Variants in COL4A1 observed in about 807,000 individuals in gnomAD.
COL4A1 encodes collagen alpha-1(IV) chain.
In COL4A1, 40 loss-of-function variants were observed where a neutral mutation model predicts 216.6. The ratio of observed to expected loss-of-function variants is 0.18; its 90% confidence interval spans 0.14 to 0.24. The LOEUF (loss-of-function observed/expected upper bound fraction) is 0.24. Among genes scored for constraint, COL4A1 ranks in the 10% least tolerant of loss-of-function variants. COL4A1 has a pLI of 1.00. For synonymous variants in COL4A1, 839 were observed against 810.7 expected (o/e 1.03, Z -0.59); for missense variants, 1,628 against 2,196.8 (o/e 0.74, Z 5.18).
chr13:110,187,343 G>A lies in COL4A1; in HGVS notation c.1537-14C>T, dbSNP rs750007367. 1.9e-6 allele frequency: 3 copies of A among 1,611,860 alleles called. No homozygotes were observed. The East Asian group carries it at 6.7e-5, about 36-fold the overall frequency. ...ACCTTGAGGGCCCTGTAAGAACAAA[G>A]CCTTGTGATCCACAGAAGAACCCAT... On this transcript the variant is annotated splice_polypyrimidine_tract_variant and intron_variant, in intron 24 of 51. Coordinates refer to ENST00000375820, the MANE Select transcript of COL4A1 (RefSeq NM_001845.6).
chr13:110,298,499 T>C (rs1884363680), intron 1 of COL4A1: 1 of 152,196 alleles, frequency 6.6e-6, no homozygotes, highest in South Asian at 2.1e-4. Flanking sequence ...ATTCCGTGGA[T>C]GGTATTTTCC....
At chr13:110,208,456 C>T (rs889765042) in intron 12 of COL4A1, among the ~76,000 whole-genome samples, 2 of 152,186 alleles carry the variant, frequency 1.3e-5, no homozygotes, top group African/African-American at 4.8e-5. Flanking sequence ...CACCGTGCTA[C>T]TCCCAATTTC....
At chr13:110,189,874 G>A (rs996129175) in intron 24 of COL4A1, among the ~76,000 whole-genome samples, 1 of 147,470 alleles carries the variant, frequency 6.8e-6, no homozygotes, top group Non-Finnish European at 1.5e-5. Context: ...CTGAGGGTAG[G>A]ACCAAGGTTT....
intron 2 of COL4A1, among the ~76,000 whole-genome samples, chr13:110,216,799 G>A (rs1880107311): frequency 2.6e-5 from 4 of 152,130 alleles, no homozygotes; most frequent in Admixed American, 2.6e-4. Flanking sequence ...CCAAGGTACC[G>A]ACCCTTCTAT....
At chr13:110,227,734 C>T (rs1458904815) in intron 2 of COL4A1, among the ~76,000 whole-genome samples, 1 of 152,214 alleles carries the variant, frequency 6.6e-6, no homozygotes, top group Non-Finnish European at 1.5e-5. Flanking sequence ...ACCCTTGGTT[C>T]TCCACAGGGA....
chr13:110,252,503 A>AT lies in COL4A1; in HGVS notation c.85-9770dup, dbSNP rs1566415797. On this transcript the variant is annotated intron_variant, in intron 1 of 51. Coordinates refer to ENST00000375820, the MANE Select transcript of COL4A1 (RefSeq NM_001845.6). Reference sequence around the variant, plus strand: ...TATATATACGTATAATTATACGTATATATGTATTATATATACGTATAATTA... The same window carrying AT: ...TATATATACGTATAATTATACGTATATTATGTATTATATATACGTATAATTA... Among the ~76,000 whole-genome samples, 175 of 5,060 alleles carry AT rather than the reference A, an allele frequency of 0.035. 16 individuals carry two copies. In the South Asian group the frequency reaches 0.38, roughly 11 times the overall value. 3.3% of individuals were successfully genotyped at this position (5,060 alleles called of 152,430 possible). A position where few individuals can be genotyped will look rare whatever the true frequency, so the allele number is the denominator to read the frequency against.
At chr13:110,162,078 C>T in intron 48 of COL4A1, 152 bp downstream of exon 48, 8 of 773,380 alleles carry the variant, frequency 1.0e-5, no homozygotes, top group South Asian at 2.8e-5. Flanking sequence ...GAAATGGGGC[C>T]GGGCTGCTTT....
intron 1 of COL4A1, among the ~76,000 whole-genome samples, chr13:110,254,151 A>G (rs943192407): frequency 3.9e-5 from 6 of 152,136 alleles, no homozygotes; most frequent in African/African-American, 1.4e-4. Flanking sequence ...CTTAGCTCCT[A>G]ACAGAGGATC....
At position 110,174,643 on chromosome 13, in the gene COL4A1, G is replaced by C; in HGVS notation, c.3305C>G (p.Pro1102Arg). The C allele has an allele frequency of 6.2e-7, 1 of 1,614,070 alleles. No individual in the cohort carries two copies. Among genetic ancestry groups the C allele is most frequent in the Admixed American group, 1.7e-5 (1 of 60,014 alleles). ...CCTACCTGGATAGCCAACACTCCCG[G>C]GAGACCCTTTAAGGCCTGGGGACCC... ...MPGSPGLKGS[P>R]GSVGYPGSPG... is the part of the protein sequence containing the mutation. The change falls in exon 38 of 52, where the codon CCC becomes CGC. Residue 1102 changes from proline (P) to arginine (R), a missense_variant. Transcript: ENST00000375820.
intron 1 of COL4A1, among the ~76,000 whole-genome samples, chr13:110,288,759 C>A (rs760433850): frequency 7.9e-5 from 12 of 152,146 alleles, no homozygotes; most frequent in Admixed American, 7.9e-4. Context: ...TCAGGCCAGG[C>A]GCGGTGGCTC....
intron 1 of COL4A1, among the ~76,000 whole-genome samples, chr13:110,244,796 T>G (rs761221248): frequency 1.3e-5 from 2 of 152,186 alleles, no homozygotes; most frequent in African/African-American, 2.4e-5. Flanking sequence ...GAGCCTGATG[T>G]GAGCTGTACT....
At chr13:110,238,552 C>G (rs542889468) in intron 2 of COL4A1, among the ~76,000 whole-genome samples, 11 of 152,298 alleles carry the variant, frequency 7.2e-5, no homozygotes, top group African/African-American at 2.6e-4. Flanking sequence ...TGCTCCAGGT[C>G]CCAGGGATCA....
intron 49 of COL4A1, among the ~76,000 whole-genome samples, chr13:110,158,925 T>C (rs1441761567): frequency 6.6e-6 from 1 of 152,094 alleles, no homozygotes; most frequent in Non-Finnish European, 1.5e-5. Flanking sequence ...GTATTTTTAG[T>C]AGAGATGGGA....
rs1180491671 is a variant in COL4A1, at chr13:110,152,444, C to T, written c.4818G>A (p.Glu1606=). The T allele has an allele frequency of 2.5e-6, 4 of 1,614,058 alleles. No homozygotes were observed. Among genetic ancestry groups the T allele is most frequent in the Admixed American group, 3.3e-5 (2 of 60,002 alleles). The stretch of plus-strand genomic sequence containing the variant: ...CGATGAATGGCGCACTTCTAAACTC[C>T]TCCAGGCAGGAGCCGGGGGACGCCA... The part of the protein sequence containing the change: ...QALASPGSCL[E]EFRSAPFIEC... Residue 1606 remains glutamate (E), a synonymous_variant, in exon 51 of 52, where the codon GAG becomes GAA. Coordinates refer to ENST00000375820, the MANE Select transcript of COL4A1 (RefSeq NM_001845.6).
chr13:110,185,141 T>C (rs1183231436), intron 26 of COL4A1, among the ~76,000 whole-genome samples: 1 of 152,092 alleles, frequency 6.6e-6, no homozygotes, highest in Non-Finnish European at 1.5e-5. Flanking sequence ...CTACTTTATT[T>C]ATTTATTTAT....
intron 1 of COL4A1, among the ~76,000 whole-genome samples, chr13:110,304,353 C>G (rs1884604916): frequency 6.6e-6 from 1 of 152,108 alleles, no homozygotes; most frequent in Admixed American, 6.6e-5. Flanking sequence ...GAGGTGGTGA[C>G]TAATGGTCAG....
Position 110,230,906 on chromosome 13 carries a change from G to A in COL4A1, c.144+11769C>T, listed in dbSNP as rs375293506. Among the ~76,000 whole-genome samples the A allele has an allele frequency of 3.7e-4, 56 of 152,290 alleles. 1 individual carries two copies. Among genetic ancestry groups the A allele is most frequent in the Admixed American group, 3.0e-3 (46 of 15,300 alleles). On this transcript the variant is annotated intron_variant, in intron 2 of 51. Transcript: ENST00000375820. ...GGTCCAGGCAGGACAGGGCACACCCGTTTACCCAGGGCCTCTACATTCAGA... is the reference window on the plus strand; with the variant it reads ...GGTCCAGGCAGGACAGGGCACACCCATTTACCCAGGGCCTCTACATTCAGA...
At chr13:110,269,454 G>A (rs554070950) in intron 1 of COL4A1, among the ~76,000 whole-genome samples, 68 of 152,262 alleles carry the variant, frequency 4.5e-4, no homozygotes, top group African/African-American at 1.6e-3. Flanking sequence ...CAGAATCAAA[G>A]TAATGAAGTA....
intron 2 of COL4A1, among the ~76,000 whole-genome samples, chr13:110,241,855 T>C (rs1383014555): frequency 6.6e-6 from 1 of 152,216 alleles, no homozygotes; most frequent in African/African-American, 2.4e-5. Context: ...ATTCACACGC[T>C]AGCCAGAATG....
Sources: allele counts gnomAD v4.1 joint callset (sites outside exome capture counted in the v4.1 genomes callset), GRCh38; gene constraint gnomAD v4.1.1; transcripts MANE v1.5; gene names NCBI Gene and HGNC (gene_info 2026-07-23, HGNC 2026-07-21).